The following CNTNAP2 variants were observed in gnomAD, a reference collection of about 807,000 sequenced individuals.
CNTNAP2 encodes the protein contactin-associated protein-like 2.
In CNTNAP2, 98 loss-of-function variants were observed where a neutral mutation model predicts 155.2. That is an observed-to-expected ratio of 0.63 (90% CI 0.54 to 0.75). The LOEUF (loss-of-function observed/expected upper bound fraction) is 0.75, where lower values mean the gene tolerates loss of function less well. CNTNAP2 is among the 30% of genes least tolerant of loss of function. The pLI is 0.00. For synonymous variants in CNTNAP2, 651 were observed against 631.2 expected, an observed-to-expected ratio of 1.03 and a Z score of -0.47; for missense variants, 1,727 against 1,688.1, an observed-to-expected ratio of 1.02 and a Z score of -0.40.
At chr7:146,802,826 T>C (rs1802904216) in intron 2 of CNTNAP2, among the ~76,000 whole-genome samples, 1 of 152,146 alleles carries the variant, frequency 6.6e-6, no homozygotes, top group African/African-American at 2.4e-5. Flanking sequence ...ACTTTCTCTA[T>C]CATAAGGTCA....
intron 1 of CNTNAP2, among the ~76,000 whole-genome samples, chr7:146,386,158 G>C (rs988051720): frequency 5.3e-5 from 8 of 151,902 alleles, no homozygotes; most frequent in African/African-American, 1.9e-4. Flanking sequence ...ATATTTACTA[G>C]TATTTCTGAA....
chr7:147,263,377 TAAA>T (rs11377306), intron 8 of CNTNAP2, among the ~76,000 whole-genome samples: 4 of 148,440 alleles, frequency 2.7e-5, no homozygotes, highest in African/African-American at 7.4e-5. Context: ...AAATAAAAAT[TAAA>T]AAAAAAAAGT....
At chr7:147,118,492 C>T (rs972929693) in intron 5 of CNTNAP2, among the ~76,000 whole-genome samples, 2 of 152,144 alleles carry the variant, frequency 1.3e-5, no homozygotes, top group Non-Finnish European at 2.9e-5. Context: ...CAAAATGTAT[C>T]AATCTATCGA....
chr7:147,289,860 A>G (rs987741370), intron 8 of CNTNAP2, among the ~76,000 whole-genome samples: 1 of 152,158 alleles, frequency 6.6e-6, no homozygotes, highest in African/African-American at 2.4e-5. Flanking sequence ...TGGGTTTCCC[A>G]TTGTTTGATG....
chr7:148,308,547 TTATG>T (rs1354069804), intron 21 of CNTNAP2, among the ~76,000 whole-genome samples: 4 of 123,722 alleles, frequency 3.2e-5, no homozygotes, highest in African/African-American at 6.0e-5. Context: ...TTTAACCTAT[TTATG>T]TATTTATTTA....
At chr7:147,864,722 C>T (rs544077453) in intron 13 of CNTNAP2, among the ~76,000 whole-genome samples, 2 of 152,186 alleles carry the variant, frequency 1.3e-5, no homozygotes, top group South Asian at 4.1e-4. Context: ...TGATTTGGCT[C>T]TCTGTTTGTC....
intron 15 of CNTNAP2, among the ~76,000 whole-genome samples, chr7:147,985,156 A>C (rs544730519): frequency 6.7e-6 from 1 of 148,804 alleles, no homozygotes. Context: ...ATAACTATTT[A>C]CAAGTTCATC....
chr7:146,664,157 CTTTTTT>C (rs35241151), intron 1 of CNTNAP2, among the ~76,000 whole-genome samples: 686 of 68,484 alleles, frequency 0.01, 5 homozygotes, highest in Middle Eastern at 0.098. Context: ...CAATAAATTC[CTTTTTT>C]TTTTTTTTTT....
chr7:147,312,854 T>G (rs1439940706), intron 9 of CNTNAP2, among the ~76,000 whole-genome samples: 3 of 127,974 alleles, frequency 2.3e-5, no homozygotes, highest in Non-Finnish European at 4.7e-5. Flanking sequence ...TCCACAATGG[T>G]TGAACTAGTT....
intron 13 of CNTNAP2, among the ~76,000 whole-genome samples, chr7:147,792,197 T>C (rs557919777): frequency 2.6e-5 from 4 of 152,350 alleles, no homozygotes; most frequent in Admixed American, 2.6e-4. Context: ...ATAACAACTT[T>C]ATGAAGATAC....
At chr7:147,179,278 T>C (rs1802409313) in intron 8 of CNTNAP2, among the ~76,000 whole-genome samples, 1 of 152,160 alleles carries the variant, frequency 6.6e-6, no homozygotes, top group Non-Finnish European at 1.5e-5. Flanking sequence ...AGTTGGATAT[T>C]GTGGTATATG....
chr7:146,174,818 A>C (rs1431326558), intron 1 of CNTNAP2, among the ~76,000 whole-genome samples: 1 of 152,102 alleles, frequency 6.6e-6, no homozygotes, highest in Non-Finnish European at 1.5e-5. Context: ...ACTCCAGCCC[A>C]GGCGGCAGAG....
chr7:148,008,847 G>A (rs1802022806), intron 15 of CNTNAP2, among the ~76,000 whole-genome samples: 1 of 152,092 alleles, frequency 6.6e-6, no homozygotes, highest in Non-Finnish European at 1.5e-5. Context: ...TTTTATCTTA[G>A]TTAGCCAATT....
At chr7:147,389,570 C>T (rs1796675325) in intron 9 of CNTNAP2, among the ~76,000 whole-genome samples, 1 of 152,088 alleles carries the variant, frequency 6.6e-6, no homozygotes. Context: ...GCAAGAATAG[C>T]AATATACTGA....
At chr7:146,156,697 G>A (rs13308900) in intron 1 of CNTNAP2, among the ~76,000 whole-genome samples, 1 of 152,036 alleles carries the variant, frequency 6.6e-6, no homozygotes, top group Non-Finnish European at 1.5e-5. Context: ...CTGCCTCCAG[G>A]GTTCAAGTGA....
At chr7:146,921,397 A>T (rs1274594091) in intron 3 of CNTNAP2, among the ~76,000 whole-genome samples, 1 of 152,200 alleles carries the variant, frequency 6.6e-6, no homozygotes, top group Non-Finnish European at 1.5e-5. Context: ...CTAAGCCAGA[A>T]CATCCTTCGT....
At chr7:146,358,050 T>TTTA (rs1795026600) in intron 1 of CNTNAP2, among the ~76,000 whole-genome samples, 1 of 139,472 alleles carries the variant, frequency 7.2e-6, no homozygotes, top group Admixed American at 6.9e-5. Flanking sequence ...TTATTTATTT[T>TTTA]TTGAGATGGA....
At position 147,381,736 on chromosome 7, in the gene CNTNAP2, G is replaced by A. The variant is rs142446259; in HGVS notation, c.1499-13873G>A. Among the ~76,000 whole-genome samples, 447 of 151,844 alleles carry A rather than the reference G, an allele frequency of 2.9e-3. 3 individuals are homozygous for A. The highest frequency in any genetic ancestry group is 0.01 in the African/African-American group (428 of 41,412). ...TTCTCTAATTTCTTTTCAATTTTAC[G>A]TTCTTGTAAATCTCTTTACGCTTAT... On this transcript the variant is annotated intron_variant, in intron 9 of 23. Transcript: ENST00000361727.
At chr7:146,176,002 G>A (rs935432598) in intron 1 of CNTNAP2, among the ~76,000 whole-genome samples, 4 of 152,184 alleles carry the variant, frequency 2.6e-5, no homozygotes, top group Non-Finnish European at 5.9e-5. Flanking sequence ...ATTCTAGTGT[G>A]TCTCTCACTT....
Sources: gnomAD v4.1 joint callset for allele counts (sites outside exome capture counted in the v4.1 genomes callset) on GRCh38, gnomAD v4.1.1 for gene constraint, MANE v1.5 for transcripts, NCBI Gene and HGNC (gene_info 2026-07-23, HGNC 2026-07-21) for gene names.